The following ZNF532 variants were observed in gnomAD, a reference collection of about 807,000 sequenced individuals.
ZNF532 encodes the protein zinc finger protein 532.
In ZNF532, 22 loss-of-function variants were observed where a neutral mutation model predicts 89.3. The observed-to-expected ratio is 0.25, with a 90% CI of 0.18 to 0.35. ZNF532 has a LOEUF of 0.35. ZNF532 is among the 10% of genes least tolerant of loss of function. ZNF532 has a pLI of 1.00. For synonymous variants in ZNF532, 606 were observed against 649.6 expected (o/e 0.93, Z 1.02); for missense variants, 1,132 against 1,643.4 (o/e 0.69, Z 5.38).
upstream of ZNF532, chr18:58,864,113 C>G (rs1197638718): frequency 6.6e-6 from 1 of 152,406 alleles, no homozygotes; most frequent in East Asian, 1.9e-4. Flanking sequence ...CCAGAGGCCT[C>G]CGTGCCCCCT....
rs540075907 is a variant in ZNF532 at position 58,870,530 on chromosome 18, C to T, written c.-18+4951C>T. Among the ~76,000 whole-genome samples the T allele has an allele frequency of 2.6e-5, 4 of 152,050 alleles. No homozygotes were observed. In the South Asian group the frequency reaches 6.2e-4, roughly 24 times the overall value. ...GGCAGTTGAGGGTCACCTGATGAGG[C>T]CTTTTGGTGCAGTGCCTTGAGGATG... is the stretch of plus-strand genomic sequence containing the variant. On this transcript the variant is annotated intron_variant, in intron 2 of 9. Coordinates refer to ENST00000591808, the MANE Select transcript of ZNF532 (RefSeq NM_001375912.1).
chr18:58,985,567 A>G lies in ZNF532; in HGVS notation c.*1101A>G, dbSNP rs1003319848. ...TGTATTGCAATTGGCCGTTACCTTA[A>G]GCACTGAGCCACCCGGGTTTAGTTC... is the stretch of plus-strand genomic sequence containing the variant. On this transcript the variant is annotated 3_prime_UTR_variant, in exon 10 of 10. Transcript: ENST00000591808. The G allele has an allele frequency of 9.8e-5, 15 of 152,604 alleles. No individual in the cohort carries two copies. The highest frequency in any genetic ancestry group is 1.8e-4 in the Non-Finnish European group (12 of 68,032). The allele number at this position is 152,604 out of a possible 1,614,324, so 9.5% of individuals were successfully genotyped here. A position where few individuals can be genotyped will look rare whatever the true frequency, so the allele number is the denominator to read the frequency against.
chr18:58,888,781 AT>A, intron 2 of ZNF532, among the ~76,000 whole-genome samples: 2 of 54,068 alleles, frequency 3.7e-5, no homozygotes, highest in Non-Finnish European at 5.7e-5. Context: ...ATTTATATAT[AT>A]ATAAAATATA....
intron 2 of ZNF532, among the ~76,000 whole-genome samples, chr18:58,906,467 C>T (rs914484812): frequency 5.3e-5 from 8 of 152,022 alleles, no homozygotes; most frequent in Non-Finnish European, 1.0e-4. Flanking sequence ...CTCTTTCTTA[C>T]CTTCTGACAC....
At chr18:58,975,643 T>G (rs1435025835) in intron 7 of ZNF532, among the ~76,000 whole-genome samples, 1 of 152,180 alleles carries the variant, frequency 6.6e-6, no homozygotes, top group East Asian at 1.9e-4. Flanking sequence ...ATGCTTTCTT[T>G]CCTGAAGCTG....
intron 8 of ZNF532, chr18:58,981,107 GCTGGACA>G: frequency 4.6e-6 from 1 of 218,796 alleles, no homozygotes; most frequent in South Asian, 7.7e-5. Context: ...AGAATTTGGC[GCTGGACA>G]CTCATGTCTT....
intron 5 of ZNF532, among the ~76,000 whole-genome samples, chr18:58,942,307 C>T (rs1048857342): frequency 7.2e-6 from 1 of 139,126 alleles, no homozygotes; most frequent in Admixed American, 7.3e-5. Flanking sequence ...CAGGCGTGAG[C>T]CACCGCGCCT....
At chr18:58,967,584 A>AC (rs2066051241) in intron 7 of ZNF532, among the ~76,000 whole-genome samples, 1 of 151,508 alleles carries the variant, frequency 6.6e-6, no homozygotes, top group Non-Finnish European at 1.5e-5. Flanking sequence ...CCTCCACCAT[A>AC]CTTTTTTTTT....
Position 58,918,792 on chromosome 18 carries a change from C to G in ZNF532, c.505C>G (p.Pro169Ala). 6.2e-7 allele frequency: 1 copy of G among 1,614,124 alleles called. No individual in the cohort carries two copies. Among genetic ancestry groups the G allele is most frequent in the Non-Finnish European group, 8.5e-7 (1 of 1,180,038 alleles). Residue 169 changes from proline to alanine, a missense_variant, in exon 3 of 10, where the codon CCC becomes GCC. Transcript: ENST00000591808. Reference sequence around the variant, plus strand: ...GTCGAATGTGTTGACGGGGTCGGCTCCCCAGCAGGACTACGATAAGCTGAA... The same window carrying G: ...GTCGAATGTGTTGACGGGGTCGGCTGCCCAGCAGGACTACGATAAGCTGAA... The part of the protein sequence containing the change: ...FRSNVLTGSA[P>A]QQDYDKLKAL...
chr18:58,972,266 T>C (rs2066545549), intron 7 of ZNF532, among the ~76,000 whole-genome samples: 1 of 152,096 alleles, frequency 6.6e-6, no homozygotes, highest in African/African-American at 2.4e-5. Flanking sequence ...GAAAAAGAAT[T>C]AGTTTGAAAG....
rs115136222 is a variant in ZNF532, at chr18:58,942,580, A to T, written c.2705+2959A>T. 3.9e-3 allele frequency among the ~76,000 whole-genome samples: 599 copies of T among 152,122 alleles called. 4 individuals are homozygous for T. The highest frequency in any genetic ancestry group is 0.014 in the African/African-American group (577 of 41,474). ...CCCTCACCCGCAGCCTGACTGTGGCAATGACGGCTGCTGCACCAGCTCTGT... is the reference window on the plus strand; with the variant it reads ...CCCTCACCCGCAGCCTGACTGTGGCTATGACGGCTGCTGCACCAGCTCTGT... On this transcript the variant is annotated intron_variant, in intron 5 of 9. Coordinates refer to ENST00000591808, the MANE Select transcript of ZNF532 (RefSeq NM_001375912.1).
chr18:58,971,974 C>T (rs533622219), intron 7 of ZNF532, among the ~76,000 whole-genome samples: 141 of 152,238 alleles, frequency 9.3e-4, no homozygotes, highest in African/African-American at 3.2e-3. Context: ...GAGGCTGAGG[C>T]GGGTAGATCA....
intron 2 of ZNF532, among the ~76,000 whole-genome samples, chr18:58,871,285 G>A (rs576559137): frequency 6.6e-6 from 1 of 152,130 alleles, no homozygotes; most frequent in Non-Finnish European, 1.5e-5. Context: ...GCCCAGACTG[G>A]ACTCAAACTA....
At position 58,984,099 on chromosome 18, in the gene ZNF532, G is replaced by A; in HGVS notation, c.3539G>A (p.Gly1180Asp). 1 of 1,611,846 alleles carries A rather than the reference G, an allele frequency of 6.2e-7. No homozygotes were observed. The highest frequency in any genetic ancestry group is 8.5e-7 in the Non-Finnish European group (1 of 1,179,836). ...AAGGTTCACAAGTGTGCCGTGTGTG[G>A]CTTCACCACCGAAAACCTGCTGCAA... Reference protein sequence around the residue: ...VFKVHKCAVCGFTTENLLQFH... With the variant: ...VFKVHKCAVCDFTTENLLQFH... The change falls in exon 10 of 10, where the codon GGC becomes GAC. Residue 1180 changes from glycine (G) to aspartate (D), a missense_variant. By Grantham distance (94) the Gly-to-Asp change is moderately conservative (BLOSUM62 -1). Coordinates refer to ENST00000591808, the MANE Select transcript of ZNF532 (RefSeq NM_001375912.1).
At chr18:58,969,682 G>A (rs1325457972) in intron 7 of ZNF532, among the ~76,000 whole-genome samples, 1 of 152,072 alleles carries the variant, frequency 6.6e-6, no homozygotes, top group Non-Finnish European at 1.5e-5. Flanking sequence ...TAGCTTTTTT[G>A]ACATTTGTGT....
intron 2 of ZNF532, among the ~76,000 whole-genome samples, chr18:58,888,867 TAATATATATTATATATATATATTTTA>T (rs2058648509): frequency 4.4e-5 from 2 of 45,232 alleles, no homozygotes; most frequent in African/African-American, 1.9e-4. Flanking sequence ...TATATATATA[TAATATATATTATATATATATATTTTA>T]TATATATATA....
chr18:58,896,757 G>C (rs1311558942), intron 2 of ZNF532: 1 of 152,138 alleles, frequency 6.6e-6, no homozygotes, highest in African/African-American at 2.4e-5. Flanking sequence ...CCACATGACG[G>C]ACATAAATAT....
intron 2 of ZNF532, among the ~76,000 whole-genome samples, chr18:58,893,339 ATTATG>A (rs1227791088): frequency 6.6e-6 from 1 of 152,198 alleles, no homozygotes; most frequent in Admixed American, 6.5e-5. Flanking sequence ...TCTTGCTATT[ATTATG>A]TTAATAGTTT....
At chr18:58,928,217 C>T (rs2061681023) in intron 3 of ZNF532, among the ~76,000 whole-genome samples, 1 of 152,168 alleles carries the variant, frequency 6.6e-6, no homozygotes, top group South Asian at 2.1e-4. Flanking sequence ...CCTCCCACGC[C>T]TCTCACCACC....
Sources: gnomAD v4.1 joint callset for allele counts (sites outside exome capture counted in the v4.1 genomes callset) on GRCh38, gnomAD v4.1.1 for gene constraint, MANE v1.5 for transcripts, NCBI Gene and HGNC (gene_info 2026-07-23, HGNC 2026-07-21) for gene names.